SMCHD1: variants seen among roughly 807,000 people sequenced by gnomAD.
The protein encoded by SMCHD1 is structural maintenance of chromosomes flexible hinge domain-containing protein 1.
In SMCHD1, 78 loss-of-function variants were observed where a neutral mutation model predicts 254.7. That is an observed-to-expected ratio of 0.31 (90% CI 0.26 to 0.37). The LOEUF (loss-of-function observed/expected upper bound fraction) is 0.37. SMCHD1 is among the 10% of genes least tolerant of loss of function. SMCHD1 has a pLI of 1.00. For missense variants in SMCHD1, 1,840 were observed against 2,408.1 expected (o/e 0.76, Z 4.94); for synonymous variants, 766 against 794.9 (o/e 0.96, Z 0.61).
At chr18:2,694,184 C>T (rs966607257) in intron 7 of SMCHD1, among the ~76,000 whole-genome samples, 1 of 152,150 alleles carries the variant, frequency 6.6e-6, no homozygotes, top group Admixed American at 6.5e-5. Flanking sequence ...CCCAAGCAAG[C>T]GTTCATTCTA....
At chr18:2,656,939 A>G (rs963665740) in intron 1 of SMCHD1, among the ~76,000 whole-genome samples, 73 of 152,320 alleles carry the variant, frequency 4.8e-4, no homozygotes, top group African/African-American at 1.8e-3. Context: ...AGCACCAGAA[A>G]ACGTACCTAC....
intron 37 of SMCHD1, among the ~76,000 whole-genome samples, chr18:2,766,095 G>T (rs1023597711): frequency 2.0e-5 from 3 of 151,198 alleles, no homozygotes; most frequent in Non-Finnish European, 4.4e-5. Context: ...CCGGGTTCAC[G>T]CCATTCTCCT....
At chr18:2,733,236 T>G (rs914330960) in intron 25 of SMCHD1, among the ~76,000 whole-genome samples, 4 of 152,104 alleles carry the variant, frequency 2.6e-5, no homozygotes, top group African/African-American at 9.7e-5. Context: ...CTGTGCAAAA[T>G]TGTACAATAA....
At chr18:2,681,706 T>C (rs1263381310) in intron 5 of SMCHD1, among the ~76,000 whole-genome samples, 1 of 152,098 alleles carries the variant, frequency 6.6e-6, no homozygotes, top group Non-Finnish European at 1.5e-5. Context: ...GACATAATTA[T>C]AATAGTATGT....
chr18:2,744,725 A>T (rs2075417068), intron 29 of SMCHD1, among the ~76,000 whole-genome samples: 1 of 151,980 alleles, frequency 6.6e-6, no homozygotes, highest in Non-Finnish European at 1.5e-5. Flanking sequence ...TGAACTTAAT[A>T]CTCCTAACTG....
In SMCHD1 at chr18:2,674,609, A is replaced by T. The variant is rs7245192; in HGVS notation, c.638+464A>T. 4.1e-3 allele frequency among the ~76,000 whole-genome samples: 626 copies of T among 152,338 alleles called. 3 individuals carry two copies. Among genetic ancestry groups the T allele is most frequent in the African/African-American group, 0.015 (605 of 41,588 alleles). On this transcript the variant is annotated intron_variant, in intron 5 of 47. Coordinates refer to ENST00000320876, the MANE Select transcript of SMCHD1 (RefSeq NM_015295.3). ...ATATATCAGAATGTGCTTGTAGAAAATATCCTGAATGAGGATGTCACAGGG... is the reference window on the plus strand; with the variant it reads ...ATATATCAGAATGTGCTTGTAGAAATTATCCTGAATGAGGATGTCACAGGG...
intron 44 of SMCHD1, among the ~76,000 whole-genome samples, chr18:2,781,813 G>A (rs62077710): frequency 0.19 from 29,422 of 152,048 alleles, 3,086 homozygotes; most frequent in Admixed American, 0.26. Context: ...GCAACCCAGA[G>A]AGAAAGAGAA....
At chr18:2,722,704 G>T in intron 20 of SMCHD1, 41 bp downstream of exon 20, 1 of 1,531,766 alleles carries the variant, frequency 6.5e-7, no homozygotes, top group South Asian at 1.3e-5. Flanking sequence ...TTTGATATTT[G>T]CTAAGCATTT....
intron 15 of SMCHD1, among the ~76,000 whole-genome samples, chr18:2,707,291 A>G (rs1385254763): frequency 6.6e-6 from 1 of 151,294 alleles, no homozygotes; most frequent in Admixed American, 6.6e-5. Context: ...TTTGTACTAT[A>G]AACAAGTAGA....
At chr18:2,741,314 A>G (rs550539296) in intron 28 of SMCHD1, among the ~76,000 whole-genome samples, 1 of 152,304 alleles carries the variant, frequency 6.6e-6, no homozygotes, top group South Asian at 2.1e-4. Flanking sequence ...CTGCTTAGAG[A>G]GGTAAAGACA....
intron 1 of SMCHD1, among the ~76,000 whole-genome samples, chr18:2,658,387 G>A (rs2073138142): frequency 6.6e-6 from 1 of 152,156 alleles, no homozygotes; most frequent in Admixed American, 6.5e-5. Context: ...GCTCAAGTTA[G>A]TATTCAAACC....
chr18:2,656,860 T>C (rs1458055313), intron 1 of SMCHD1, among the ~76,000 whole-genome samples: 1 of 152,168 alleles, frequency 6.6e-6, no homozygotes, highest in Non-Finnish European at 1.5e-5. Context: ...GAGCTGGCCT[T>C]CTGCCTGTCT....
At chr18:2,658,191 G>A (rs759116918) in intron 1 of SMCHD1, among the ~76,000 whole-genome samples, 1 of 152,124 alleles carries the variant, frequency 6.6e-6, no homozygotes, top group South Asian at 2.1e-4. Flanking sequence ...TAAAGCTCTT[G>A]TTTCGTATTT....
chr18:2,678,751 G>A (rs534456440), intron 5 of SMCHD1, among the ~76,000 whole-genome samples: 3 of 151,882 alleles, frequency 2.0e-5, no homozygotes, highest in Non-Finnish European at 2.9e-5. Context: ...CATTAGGGCC[G>A]ATCTGCCAAT....
intron 34 of SMCHD1, among the ~76,000 whole-genome samples, chr18:2,754,823 T>G (rs2075642147): frequency 7.5e-6 from 1 of 132,802 alleles, no homozygotes; most frequent in South Asian, 2.7e-4. Context: ...TACGTGGAAT[T>G]GATTTTTTTT....
chr18:2,733,272 A>G (rs1350886992), intron 25 of SMCHD1, among the ~76,000 whole-genome samples: 1 of 152,222 alleles, frequency 6.6e-6, no homozygotes, highest in Non-Finnish European at 1.5e-5. Context: ...ATGAGGGAAA[A>G]TGGAAACTAG....
At chr18:2,716,643 C>T (rs961265827) in intron 17 of SMCHD1, among the ~76,000 whole-genome samples, 4 of 152,140 alleles carry the variant, frequency 2.6e-5, no homozygotes, top group East Asian at 1.9e-4. Context: ...TCTCAGGCCC[C>T]GAAGGAATGC....
intron 3 of SMCHD1, among the ~76,000 whole-genome samples, chr18:2,668,989 C>G (rs1309636876): frequency 2.6e-5 from 4 of 151,716 alleles, no homozygotes; most frequent in Non-Finnish European, 5.9e-5. Flanking sequence ...ATCCCCCTGC[C>G]TCAGTCTCCT....
intron 37 of SMCHD1, among the ~76,000 whole-genome samples, chr18:2,768,025 TG>T (rs1419859170): frequency 6.6e-6 from 1 of 152,204 alleles, no homozygotes; most frequent in African/African-American, 2.4e-5. Flanking sequence ...TATAATCTTT[TG>T]GGACCACCAT....
Sources: allele counts gnomAD v4.1 joint callset (sites outside exome capture counted in the v4.1 genomes callset), GRCh38; gene constraint gnomAD v4.1.1; transcripts MANE v1.5; gene names NCBI Gene and HGNC (gene_info 2026-07-23, HGNC 2026-07-21).